NKAIN2: variants seen among roughly 807,000 people sequenced by gnomAD.
NKAIN2 encodes the protein sodium/potassium-transporting ATPase subunit beta-1-interacting protein 2.
NKAIN2 carries 14 observed loss-of-function variants against 32.6 expected under a neutral mutation model. That is an observed-to-expected ratio of 0.43 (90% CI 0.28 to 0.67). The LOEUF (loss-of-function observed/expected upper bound fraction) is 0.67. Among genes scored for constraint, NKAIN2 ranks in the 30% least tolerant of loss-of-function variants. The pLI is 0.17. For missense variants in NKAIN2, 198 were observed against 258.3 expected (o/e 0.77, Z 1.60); for synonymous variants, 80 against 87.2 (o/e 0.92, Z 0.46).
At chr6:124,128,432 ACT>A (rs1786294384) in intron 1 of NKAIN2, among the ~76,000 whole-genome samples, 1 of 152,228 alleles carries the variant, frequency 6.6e-6, no homozygotes, top group South Asian at 2.1e-4. Context: ...TGATAGGGCA[ACT>A]ATAGAGCTAA....
At chr6:124,230,517 A>G (rs1264896174) in intron 1 of NKAIN2, among the ~76,000 whole-genome samples, 1 of 152,194 alleles carries the variant, frequency 6.6e-6, no homozygotes, top group Non-Finnish European at 1.5e-5. Flanking sequence ...CTTTTCCAAC[A>G]GACCCTGCCA....
chr6:124,633,493 A>AC (rs1783651410), intron 3 of NKAIN2, among the ~76,000 whole-genome samples: 1 of 152,204 alleles, frequency 6.6e-6, no homozygotes, highest in African/African-American at 2.4e-5. Context: ...ATTCTTAATA[A>AC]CTAAAAAGTG....
At chr6:124,658,576 C>A in intron 4 of NKAIN2, 190 bp downstream of exon 4, 1 of 1,365,704 alleles carries the variant, frequency 7.3e-7, no homozygotes, top group South Asian at 1.5e-5. Flanking sequence ...TGCTGATTTT[C>A]TTCGACAATT....
chr6:124,199,691 T>C (rs1790509275), intron 1 of NKAIN2, among the ~76,000 whole-genome samples: 1 of 152,188 alleles, frequency 6.6e-6, no homozygotes, highest in African/African-American at 2.4e-5. Context: ...CATTTTACAG[T>C]ATGGGGTGCC....
chr6:124,526,160 C>A (rs539319830), intron 3 of NKAIN2, among the ~76,000 whole-genome samples: 96 of 151,900 alleles, frequency 6.3e-4, no homozygotes, highest in African/African-American at 2.1e-3. Flanking sequence ...ACATGGCAAG[C>A]AATATGAATG....
chr6:124,389,713 A>C (rs1773059367), intron 3 of NKAIN2, among the ~76,000 whole-genome samples: 1 of 98,988 alleles, frequency 1.0e-5, no homozygotes, highest in African/African-American at 4.2e-5. Flanking sequence ...CTCTGTGTAC[A>C]TTTGTGTGTG....
At chr6:124,141,513 T>C (rs1040995826) in intron 1 of NKAIN2, among the ~76,000 whole-genome samples, 4 of 152,080 alleles carry the variant, frequency 2.6e-5, no homozygotes, top group African/African-American at 9.7e-5. Context: ...CCATTGATGG[T>C]AATCTAGTTG....
chr6:123,973,684 A>G (rs1778433571), intron 1 of NKAIN2, among the ~76,000 whole-genome samples: 1 of 152,088 alleles, frequency 6.6e-6, no homozygotes. Flanking sequence ...TAGTTTTGAC[A>G]TTGAAAGTAA....
chr6:124,342,566 G>A (rs1221021918), intron 2 of NKAIN2, among the ~76,000 whole-genome samples: 3 of 151,868 alleles, frequency 2.0e-5, no homozygotes, highest in African/African-American at 7.3e-5. Context: ...GAAGCACAGT[G>A]GGATGATCTT....
rs374780687 is a variant in NKAIN2 at position 124,492,591 on chromosome 6, A to G, written c.273+137244A>G. ...CTCAGGACTAGATAGATAATTTATA[A>G]CTGATAAATAATATGTTTGTTCAGA... On this transcript the variant is annotated intron_variant, in intron 3 of 6. Coordinates refer to ENST00000368417, the MANE Select transcript of NKAIN2 (RefSeq NM_001040214.3). Among the ~76,000 whole-genome samples, 14 of 152,026 alleles carry G rather than the reference A, an allele frequency of 9.2e-5. No individual in the cohort carries two copies. The East Asian group carries it at 1.7e-3, about 19-fold the overall frequency.
At chr6:124,382,736 T>C (rs1772702543) in intron 3 of NKAIN2, among the ~76,000 whole-genome samples, 1 of 152,158 alleles carries the variant, frequency 6.6e-6, no homozygotes, top group South Asian at 2.1e-4. Flanking sequence ...CAAGGTGAGG[T>C]CTAACATTTA....
At chr6:124,512,442 A>G (rs1778749737) in intron 3 of NKAIN2, among the ~76,000 whole-genome samples, 1 of 152,250 alleles carries the variant, frequency 6.6e-6, no homozygotes, top group Admixed American at 6.5e-5. Context: ...ATACATTTAT[A>G]TTGAATGATA....
At chr6:123,942,000 A>T (rs1237511136) in intron 1 of NKAIN2, among the ~76,000 whole-genome samples, 1 of 151,980 alleles carries the variant, frequency 6.6e-6, no homozygotes, top group Non-Finnish European at 1.5e-5. Context: ...AATAGCTAGT[A>T]TGTAGCACTC....
chr6:123,804,188 G>A lies in NKAIN2; in HGVS notation c.-13G>A, dbSNP rs762506596. 1.9e-6 allele frequency: 3 copies of A among 1,613,444 alleles called. No individual in the cohort carries two copies. Among genetic ancestry groups the A allele is most frequent in the South Asian group, 2.2e-5 (2 of 91,068 alleles). ...CGTGGGACAGTCTGGCTGTGGCAGG[G>A]GTCTCGGAAACCATGGGTTATTGCA... On this transcript the variant is annotated 5_prime_UTR_variant, in exon 1 of 7. Transcript: ENST00000368417.
At chr6:123,920,772 T>C (rs1447490429) in intron 1 of NKAIN2, among the ~76,000 whole-genome samples, 1 of 152,198 alleles carries the variant, frequency 6.6e-6, no homozygotes, top group African/African-American at 2.4e-5. Flanking sequence ...TCTATCAAGA[T>C]GATTGTAATG....
chr6:124,055,366 A>G (rs897143384), intron 1 of NKAIN2, among the ~76,000 whole-genome samples: 1 of 152,118 alleles, frequency 6.6e-6, no homozygotes, highest in African/African-American at 2.4e-5. Flanking sequence ...TAAATAAGAA[A>G]AACAATAATA....
intron 1 of NKAIN2, among the ~76,000 whole-genome samples, chr6:124,176,237 G>A (rs1040780649): frequency 5.9e-5 from 9 of 152,242 alleles, no homozygotes; most frequent in Admixed American, 4.6e-4. Context: ...GTTGGAAAAT[G>A]GCTCTGATAA....
intron 1 of NKAIN2, among the ~76,000 whole-genome samples, chr6:123,827,219 A>G (rs983667715): frequency 1.1e-4 from 16 of 152,120 alleles, no homozygotes; most frequent in Non-Finnish European, 2.2e-4. Context: ...TGACAAAAAC[A>G]TTGTTCTGAA....
intron 4 of NKAIN2, among the ~76,000 whole-genome samples, chr6:124,661,470 G>A (rs995694661): frequency 6.6e-6 from 1 of 152,054 alleles, no homozygotes; most frequent in Non-Finnish European, 1.5e-5. Context: ...CCTGTTGTTC[G>A]GTTTTCTGCC....
Sources: allele counts gnomAD v4.1 joint callset (sites outside exome capture counted in the v4.1 genomes callset), GRCh38; gene constraint gnomAD v4.1.1; transcripts MANE v1.5; gene names NCBI Gene and HGNC (gene_info 2026-07-23, HGNC 2026-07-21).